PLSCR4: variants seen among roughly 807,000 people sequenced by gnomAD.
PLSCR4 encodes the protein Ca(2+)-dependent phospholipid scramblase 4.
PLSCR4 carries 25 observed loss-of-function variants against 36.3 expected under a neutral mutation model. That is an observed-to-expected ratio of 0.69 (90% CI 0.50 to 0.96). PLSCR4 has a LOEUF of 0.96. Among genes scored for constraint, PLSCR4 ranks in the 40% least tolerant of loss-of-function variants. The pLI, the probability that PLSCR4 is intolerant of heterozygous loss-of-function variation, is 0.00. For synonymous variants in PLSCR4, 122 were observed against 132.9 expected (o/e 0.92, Z 0.56); for missense variants, 408 against 414.7 (o/e 0.98, Z 0.14).
intron 4 of PLSCR4, among the ~76,000 whole-genome samples, chr3:146,202,930 G>C (rs768324548): frequency 7.2e-5 from 11 of 151,972 alleles, no homozygotes; most frequent in Non-Finnish European, 1.3e-4. Context: ...ACATCTGCAG[G>C]TTCCACTTCA....
At chr3:146,216,090 C>T (rs559407614) in intron 3 of PLSCR4, among the ~76,000 whole-genome samples, 3 of 152,126 alleles carry the variant, frequency 2.0e-5, no homozygotes, top group East Asian at 1.9e-4. Flanking sequence ...ATTATCCGGG[C>T]GTGGTGGTGC....
chr3:146,216,173 G>T (rs1262254022), intron 3 of PLSCR4, among the ~76,000 whole-genome samples: 5 of 152,176 alleles, frequency 3.3e-5, no homozygotes, highest in African/African-American at 1.2e-4. Flanking sequence ...GGAGGTTACA[G>T]TTAGCCGAGA....
At chr3:146,238,548 A>C (rs898948422) in intron 1 of PLSCR4, among the ~76,000 whole-genome samples, 4 of 152,118 alleles carry the variant, frequency 2.6e-5, no homozygotes, top group African/African-American at 9.6e-5. Flanking sequence ...AAACTATGTA[A>C]TCTCAATAGA....
intron 3 of PLSCR4, among the ~76,000 whole-genome samples, chr3:146,220,299 G>T (rs1028798624): frequency 2.6e-5 from 4 of 152,144 alleles, no homozygotes; most frequent in Admixed American, 2.0e-4. Flanking sequence ...ATATTTGCCA[G>T]AAAGATAAGC....
At position 146,206,523 on chromosome 3, in the gene PLSCR4, T is replaced by C; in HGVS notation, c.354+3A>G. On this transcript the variant is annotated splice_donor_region_variant and intron_variant, in intron 4 of 8. Transcript: ENST00000354952. ...GAAAATAATTTGTATTTTCATGGAG[T>C]ACCTGAACTAAGTATTCCAGACCAG... The C allele has an allele frequency of 6.3e-7, 1 of 1,582,206 alleles. No homozygotes were observed. Among genetic ancestry groups the C allele is most frequent in the South Asian group, 1.1e-5 (1 of 90,444 alleles).
At chr3:146,220,177 A>T (rs2035073235) in intron 3 of PLSCR4, among the ~76,000 whole-genome samples, 1 of 152,208 alleles carries the variant, frequency 6.6e-6, no homozygotes, top group African/African-American at 2.4e-5. Context: ...TTAAAATTTT[A>T]AACTTGGCCA....
intron 8 of PLSCR4, 56 bp downstream of exon 8, chr3:146,195,068 G>A: frequency 6.7e-7 from 1 of 1,488,828 alleles, no homozygotes; most frequent in South Asian, 1.1e-5. Context: ...ACACTATACT[G>A]CTTCTCCATC....
At chr3:146,222,124 AT>A in intron 1 of PLSCR4, 32 bp from the exon 2 acceptor site, 1 of 842,326 alleles carries the variant, frequency 1.2e-6, no homozygotes, top group Non-Finnish European at 1.8e-6. Flanking sequence ...TGCCTTTAAA[AT>A]ACATACATAA....
chr3:146,225,495 G>A (rs6792604), intron 1 of PLSCR4, among the ~76,000 whole-genome samples: 51,538 of 151,940 alleles, frequency 0.34, 8,820 homozygotes, highest in Admixed American at 0.37. Context: ...GGTGCTCGTC[G>A]GGGAGGCTCG....
At chr3:146,216,675 C>A (rs1331759237) in intron 3 of PLSCR4, among the ~76,000 whole-genome samples, 1 of 152,224 alleles carries the variant, frequency 6.6e-6, no homozygotes, top group Admixed American at 6.5e-5. Flanking sequence ...ATTCTGACTG[C>A]AGAAACGTCC....
At chr3:146,221,751 C>G (rs1021355881) in intron 2 of PLSCR4, among the ~76,000 whole-genome samples, 2 of 152,112 alleles carry the variant, frequency 1.3e-5, no homozygotes, top group Admixed American at 1.3e-4. Context: ...TTACTACAAC[C>G]TCTCTTTGCA....
At chr3:146,218,237 C>T (rs1379570562) in intron 3 of PLSCR4, among the ~76,000 whole-genome samples, 1 of 151,920 alleles carries the variant, frequency 6.6e-6, no homozygotes, top group Non-Finnish European at 1.5e-5. Context: ...TTTAAGAGTA[C>T]CCGAATTGGA....
In PLSCR4 at chr3:146,193,883, C is replaced by A. The variant is rs1168522004; in HGVS notation, c.*528G>T. ...AGAATGAGGTTTTGATATATGTGTACAAGTAGTACCTTCTTAGTGCAAGAA... is the reference window on the plus strand; with the variant it reads ...AGAATGAGGTTTTGATATATGTGTAAAAGTAGTACCTTCTTAGTGCAAGAA... On this transcript the variant is annotated 3_prime_UTR_variant, in exon 9 of 9. Coordinates refer to ENST00000354952, the MANE Select transcript of PLSCR4 (RefSeq NM_020353.3). 1.3e-5 allele frequency: 2 copies of A among 152,232 alleles called. No homozygotes were observed. Among genetic ancestry groups the A allele is most frequent in the Non-Finnish European group, 2.9e-5 (2 of 68,074 alleles). 9.4% of individuals were successfully genotyped at this position (152,232 alleles called of 1,614,324 possible). A position where few individuals can be genotyped will look rare whatever the true frequency, so the allele number is the denominator to read the frequency against.
At chr3:146,212,006 A>T (rs943412965) in intron 3 of PLSCR4, among the ~76,000 whole-genome samples, 11 of 152,042 alleles carry the variant, frequency 7.2e-5, no homozygotes, top group African/African-American at 2.7e-4. Context: ...TTTTTTTTCA[A>T]GATTGTTTAG....
chr3:146,233,394 T>C (rs2035797382), intron 1 of PLSCR4, among the ~76,000 whole-genome samples: 1 of 152,118 alleles, frequency 6.6e-6, no homozygotes, highest in South Asian at 2.1e-4. Flanking sequence ...AACAGATAAC[T>C]GTTGTTACAT....
chr3:146,196,804 A>C lies in PLSCR4; in HGVS notation c.625-11T>G. 2 of 1,613,184 alleles carry C rather than the reference A, an allele frequency of 1.2e-6. No homozygotes were observed. The highest frequency in any genetic ancestry group is 1.7e-6 in the Non-Finnish European group (2 of 1,179,452). ...ACACTGCACCTCCAGCTGCAAACAA[A>C]ACAGTGACAGAAGTTAGGATGCTAC... is the stretch of plus-strand genomic sequence containing the variant. On this transcript the variant is annotated splice_polypyrimidine_tract_variant and intron_variant, in intron 6 of 8. Transcript: ENST00000354952.
chr3:146,205,326 C>A (rs2034266167), intron 4 of PLSCR4, among the ~76,000 whole-genome samples: 1 of 151,874 alleles, frequency 6.6e-6, no homozygotes, highest in Non-Finnish European at 1.5e-5. Context: ...ACAAATTTTT[C>A]TTTTCTTCTT....
intron 1 of PLSCR4, among the ~76,000 whole-genome samples, chr3:146,240,951 G>A (rs903456969): frequency 1.3e-5 from 2 of 151,898 alleles, no homozygotes; most frequent in African/African-American, 2.4e-5. Context: ...TCCATCAATC[G>A]GTAAACTGAT....
chr3:146,230,995 GT>G (rs1224385049), intron 1 of PLSCR4, among the ~76,000 whole-genome samples: 1 of 152,094 alleles, frequency 6.6e-6, no homozygotes, highest in Admixed American at 6.6e-5. Flanking sequence ...CTGACAGGTA[GT>G]TTTTTAACCC....
Sources: gnomAD v4.1 joint callset for allele counts (sites outside exome capture counted in the v4.1 genomes callset) on GRCh38, gnomAD v4.1.1 for gene constraint, MANE v1.5 for transcripts, NCBI Gene and HGNC (gene_info 2026-07-23, HGNC 2026-07-21) for gene names.